Variants in SLC13A3 observed in about 807,000 individuals in gnomAD.
SLC13A3 encodes the protein Na(+)/dicarboxylate cotransporter 3.
Under a neutral mutation model 59.0 loss-of-function variants are expected in SLC13A3, and 40 were observed. That is an observed-to-expected ratio of 0.68 (90% confidence interval 0.53 to 0.88). The LOEUF (loss-of-function observed/expected upper bound fraction) is 0.88, where lower values mean the gene tolerates loss of function less well. Ranked by LOEUF, SLC13A3 falls within the 40% of genes least tolerant of loss-of-function variation. The pLI, the probability that SLC13A3 is intolerant of heterozygous loss-of-function variation, is 0.00. For missense variants in SLC13A3, 699 were observed against 783.2 expected, an observed-to-expected ratio of 0.89 and a Z score of 1.28; for synonymous variants, 317 against 330.3, an observed-to-expected ratio of 0.96 and a Z score of 0.44.
intron 2 of SLC13A3, among the ~76,000 whole-genome samples, chr20:46,612,493 C>G (rs930601702): frequency 6.6e-6 from 1 of 151,958 alleles, no homozygotes; most frequent in Non-Finnish European, 1.5e-5. Context: ...GAAATATCAT[C>G]GACACTCAAA....
At chr20:46,613,363 G>T in intron 2 of SLC13A3, 97 bp downstream of exon 2, 1 of 1,072,986 alleles carries the variant, frequency 9.3e-7, no homozygotes, top group Non-Finnish European at 1.2e-6. Flanking sequence ...TGAGTTTCTT[G>T]GCCTGGACGA....
At chr20:46,584,780 T>A (rs939869116) in intron 8 of SLC13A3, among the ~76,000 whole-genome samples, 1 of 152,230 alleles carries the variant, frequency 6.6e-6, no homozygotes, top group Admixed American at 6.5e-5. Flanking sequence ...CTTCTAGGAA[T>A]TTAACCTTGA....
chr20:46,638,542 C>T (rs1489282387), intron 1 of SLC13A3, among the ~76,000 whole-genome samples: 2 of 152,242 alleles, frequency 1.3e-5, no homozygotes. Flanking sequence ...AAGCCTGGAG[C>T]TGGCCTCTGA....
chr20:46,604,167 A>G (rs1043759581), intron 3 of SLC13A3, among the ~76,000 whole-genome samples: 3 of 152,066 alleles, frequency 2.0e-5, no homozygotes, highest in African/African-American at 7.2e-5. Flanking sequence ...TGGCTGTGTC[A>G]CCCTCAAAAT....
At chr20:46,674,250 G>C (rs1346402911), upstream of SLC13A3, among the ~76,000 whole-genome samples, 1 of 152,142 alleles carries the variant, frequency 6.6e-6, no homozygotes. Flanking sequence ...TATTGGCTTT[G>C]ATGCAGGTCC....
chr20:46,619,673 C>A (rs117321124), intron 1 of SLC13A3, among the ~76,000 whole-genome samples: 1 of 152,184 alleles, frequency 6.6e-6, no homozygotes, highest in Non-Finnish European at 1.5e-5. Context: ...CAGCAGTCTA[C>A]GCTGCTTGTC....
Position 46,613,575 on chromosome 20 carries a change from C to G in SLC13A3, c.262G>C (p.Asp88His). The change falls in exon 2 of 13, where the codon GAC (aspartate) becomes CAC (histidine). Residue 88 changes from aspartate to histidine, a missense_variant. Transcript: ENST00000279027. ...SNKVCPQYFL[D>H]TNFLFLSGLI... ...CCACTGAGGAAGAGGAAGTTGGTGT[C>G]GAGGAAGTACTGGGGGCAGACCTTG... 2 of 1,613,968 alleles carry G rather than the reference C, an allele frequency of 1.2e-6. No individual in the cohort carries two copies. The highest frequency in any genetic ancestry group is 1.7e-6 in the Non-Finnish European group (2 of 1,179,910).
intron 8 of SLC13A3, 93 bp from the exon 9 acceptor site, chr20:46,583,762 T>C: frequency 6.5e-7 from 1 of 1,545,774 alleles, no homozygotes; most frequent in Non-Finnish European, 8.7e-7. Flanking sequence ...GGAAGGGAAT[T>C]AGGCCTGCTG....
chr20:46,642,411 T>C (rs904902384), intron 1 of SLC13A3, among the ~76,000 whole-genome samples: 1 of 152,188 alleles, frequency 6.6e-6, no homozygotes, highest in Non-Finnish European at 1.5e-5. Flanking sequence ...TGTCTGGATG[T>C]TCTAAGCATT....
chr20:46,610,468 G>T lies in SLC13A3; in HGVS notation c.519C>A (p.Ser173Arg). 6.2e-7 allele frequency: 1 copy of T among 1,613,818 alleles called. No homozygotes were observed. Among genetic ancestry groups the T allele is most frequent in the East Asian group, 2.2e-5 (1 of 44,858 alleles). Reference sequence around the variant, plus strand: ...CACCTGTGTTCTCTTCACTCTCCTGGCTGGGGTCCTTTCGAACCTCCTTCT... The same window carrying T: ...CACCTGTGTTCTCTTCACTCTCCTGTCTGGGGTCCTTTCGAACCTCCTTCT... Reference protein sequence around the residue: ...FGQKEVRKDPSQESEENTAAV... With the variant: ...FGQKEVRKDPRQESEENTAAV... Residue 173 changes from serine (S) to arginine (R), a missense_variant, in exon 3 of 13, where the codon AGC becomes AGA. By Grantham distance (110) the Ser-to-Arg change is moderately radical (BLOSUM62 -1). Coordinates refer to ENST00000279027, the MANE Select transcript of SLC13A3 (RefSeq NM_022829.6).
chr20:46,680,873 A>G (rs899124010), intron 1 of SLC13A3, among the ~76,000 whole-genome samples: 6 of 152,168 alleles, frequency 3.9e-5, no homozygotes, highest in Non-Finnish European at 7.3e-5. Context: ...ACCAGTGACA[A>G]TACTCACAGC....
chr20:46,664,689 G>A (rs1397263572), intron 1 of SLC13A3, among the ~76,000 whole-genome samples: 2 of 152,170 alleles, frequency 1.3e-5, no homozygotes, highest in Non-Finnish European at 2.9e-5. Context: ...AGCAGCAAAG[G>A]GAAGTTGAGA....
At chr20:46,658,626 G>A (rs1342626453) in intron 1 of SLC13A3, among the ~76,000 whole-genome samples, 1 of 152,132 alleles carries the variant, frequency 6.6e-6, no homozygotes, top group Non-Finnish European at 1.5e-5. Flanking sequence ...GACCAGCCTG[G>A]GCAACACGGT....
intron 1 of SLC13A3, among the ~76,000 whole-genome samples, chr20:46,635,251 C>T (rs1365099916): frequency 6.6e-6 from 1 of 152,056 alleles, no homozygotes; most frequent in East Asian, 1.9e-4. Context: ...TTCCAGGTAC[C>T]ACATATATAT....
upstream of SLC13A3, among the ~76,000 whole-genome samples, chr20:46,651,828 G>A (rs902459045): frequency 1.3e-5 from 2 of 152,206 alleles, no homozygotes; most frequent in Non-Finnish European, 2.9e-5. Context: ...TACTCACTGC[G>A]TGGCCTTCAA....
intron 1 of SLC13A3, among the ~76,000 whole-genome samples, chr20:46,647,683 C>T (rs2062908525): frequency 6.6e-6 from 1 of 152,192 alleles, no homozygotes; most frequent in African/African-American, 2.4e-5. Context: ...TTCCTTCCAG[C>T]TCTGCTCTGC....
At chr20:46,641,289 C>T (rs1215109256) in intron 1 of SLC13A3, among the ~76,000 whole-genome samples, 2 of 152,134 alleles carry the variant, frequency 1.3e-5, no homozygotes, top group East Asian at 3.9e-4. Flanking sequence ...AATACTTTTT[C>T]ACTGAGCACC....
At chr20:46,661,512 C>T (rs1027692709) in intron 1 of SLC13A3, among the ~76,000 whole-genome samples, 2 of 152,112 alleles carry the variant, frequency 1.3e-5, no homozygotes, top group Admixed American at 1.3e-4. Context: ...CCTTTGCTTC[C>T]CAGAAGAGTT....
intron 1 of SLC13A3, among the ~76,000 whole-genome samples, chr20:46,643,207 G>A (rs1250154470): frequency 2.0e-5 from 3 of 152,090 alleles, no homozygotes; most frequent in African/African-American, 7.3e-5. Flanking sequence ...AGGGGGGAAG[G>A]GGGTTAATAT....
Sources: allele counts gnomAD v4.1 joint callset (sites outside exome capture counted in the v4.1 genomes callset), GRCh38; gene constraint gnomAD v4.1.1; transcripts MANE v1.5; gene names NCBI Gene and HGNC (gene_info 2026-07-23, HGNC 2026-07-21).